CRYBG3: variants seen among roughly 807,000 people sequenced by gnomAD.
CRYBG3 encodes crystallin beta-gamma domain containing 3.
In CRYBG3, 127 loss-of-function variants were observed where a neutral mutation model predicts 244.2. That is an observed-to-expected ratio of 0.52 (90% CI 0.45 to 0.60). The LOEUF is 0.60. Ranked by LOEUF, CRYBG3 falls within the 20% of genes least tolerant of loss-of-function variation. The pLI, the probability that CRYBG3 is intolerant of heterozygous loss-of-function variation, is 0.00. For missense variants in CRYBG3, 3,325 were observed against 3,442.5 expected (o/e 0.97, Z 0.85); for synonymous variants, 1,132 against 1,195.8 (o/e 0.95, Z 1.10).
chr3:97,933,358 C>G (rs1183169902), intron 17 of CRYBG3: 1 of 369,486 alleles, frequency 2.7e-6, no homozygotes, highest in Admixed American at 3.9e-5. Context: ...CTGTTGCCAG[C>G]TAAAAGCATT....
Position 97,875,565 on chromosome 3 carries a change from G to A in CRYBG3, c.4371G>A (p.Glu1457=). Residue 1457 remains glutamate, a synonymous_variant, in exon 4 of 22, where the codon GAG becomes GAA. Coordinates refer to ENST00000389622, the MANE Select transcript of CRYBG3 (RefSeq NM_153605.4). ...ACTGTAATGAGACAATGGAAATAGAGAATGTGGATAATAACAAAACTGAGA... is the reference window on the plus strand; with the variant it reads ...ACTGTAATGAGACAATGGAAATAGAAAATGTGGATAATAACAAAACTGAGA... ...SEDCNETMEI[E]NVDNNKTETE... is the part of the protein sequence containing the mutation. 1 of 1,241,536 alleles carries A rather than the reference G, an allele frequency of 8.1e-7. No individual in the cohort carries two copies. Among genetic ancestry groups the A allele is most frequent in the Non-Finnish European group, 1.0e-6 (1 of 994,428 alleles). 76.9% of individuals were successfully genotyped at this position (1,241,536 alleles called of 1,614,324 possible).
chr3:97,892,745 C>T (rs1476177101), intron 10 of CRYBG3, 115 bp from the exon 11 acceptor site: 11 of 549,582 alleles, frequency 2.0e-5, no homozygotes, highest in South Asian at 3.8e-5. Flanking sequence ...TTGAAATCTC[C>T]TCATATTAAT....
chr3:97,893,272 A>G (rs1256181582), intron 11 of CRYBG3, among the ~76,000 whole-genome samples: 4 of 152,228 alleles, frequency 2.6e-5, no homozygotes, highest in Non-Finnish European at 5.9e-5. Flanking sequence ...AGATAAAATT[A>G]GGTTTTCACA....
At chr3:97,853,175 C>A (rs764976520) in intron 2 of CRYBG3, among the ~76,000 whole-genome samples, 1 of 151,200 alleles carries the variant, frequency 6.6e-6, no homozygotes, top group Non-Finnish European at 1.5e-5. Flanking sequence ...CACCCTCCCC[C>A]CAAAGTCCCC....
intron 17 of CRYBG3, among the ~76,000 whole-genome samples, chr3:97,930,761 A>C (rs1268500250): frequency 6.6e-6 from 1 of 152,098 alleles, no homozygotes; most frequent in Admixed American, 6.6e-5. Flanking sequence ...GTCCAGATAC[A>C]TAACATTTCT....
chr3:97,897,569 A>G (rs1201930752), intron 12 of CRYBG3, among the ~76,000 whole-genome samples: 1 of 152,132 alleles, frequency 6.6e-6, no homozygotes, highest in African/African-American at 2.4e-5. Flanking sequence ...TAATCTAGTA[A>G]TCTCATAGGG....
intron 17 of CRYBG3, 72 bp from the exon 18 acceptor site, chr3:97,933,622 C>T (rs1394445287): frequency 1.4e-6 from 2 of 1,458,600 alleles, no homozygotes; most frequent in Middle Eastern, 1.8e-4. Flanking sequence ...ATTCAGGGTA[C>T]CCTGTGTTCA....
At chr3:97,896,969 T>C (rs953748510) in intron 12 of CRYBG3, among the ~76,000 whole-genome samples, 6 of 151,774 alleles carry the variant, frequency 4.0e-5, no homozygotes, top group African/African-American at 1.5e-4. Context: ...CCATATTGAG[T>C]AGTTATTTTT....
Position 97,941,145 on chromosome 3 carries a change from T to G in CRYBG3, c.8506-3T>G, listed in dbSNP as rs773567093. On this transcript the variant is annotated splice_polypyrimidine_tract_variant and splice_region_variant and intron_variant, in intron 19 of 21. Coordinates refer to ENST00000389622, the MANE Select transcript of CRYBG3 (RefSeq NM_153605.4). ...TTCTAAATGGCTGTTTCTCCTGTCATAGCCTGCAGTGTACATCAGAATAAA... is the reference window on the plus strand; with the variant it reads ...TTCTAAATGGCTGTTTCTCCTGTCAGAGCCTGCAGTGTACATCAGAATAAA... 1 of 1,598,470 alleles carries G rather than the reference T, an allele frequency of 6.3e-7. No homozygotes were observed. Among genetic ancestry groups the G allele is most frequent in the Non-Finnish European group, 8.5e-7 (1 of 1,173,066 alleles).
intron 17 of CRYBG3, among the ~76,000 whole-genome samples, chr3:97,917,761 T>G (rs2039943653): frequency 6.6e-6 from 1 of 152,120 alleles, no homozygotes; most frequent in African/African-American, 2.4e-5. Flanking sequence ...GGAGGTTATT[T>G]GTTGAGCATA....
At chr3:97,903,350 A>G (rs530890853) in intron 15 of CRYBG3, among the ~76,000 whole-genome samples, 2 of 152,310 alleles carry the variant, frequency 1.3e-5, no homozygotes, top group South Asian at 4.1e-4. Flanking sequence ...TTTTTATAGG[A>G]GCCAAATCAC....
chr3:97,866,449 TG>T (rs2039233002), intron 3 of CRYBG3, among the ~76,000 whole-genome samples: 1 of 152,156 alleles, frequency 6.6e-6, no homozygotes, highest in Non-Finnish European at 1.5e-5. Context: ...GTGTGGTCCT[TG>T]GAGCAGCAGC....
In CRYBG3 at chr3:97,822,180, G is replaced by T; in HGVS notation, c.-27G>T. On this transcript the variant is annotated 5_prime_UTR_variant, in exon 1 of 22. Coordinates refer to ENST00000389622, the MANE Select transcript of CRYBG3 (RefSeq NM_153605.4). The stretch of plus-strand genomic sequence containing the variant: ...ACACCTAGGCCGTTCCCTTCAGACA[G>T]CCCCGGGCCAGCGGCCCCCTCGGGA... 6.7e-7 allele frequency: 1 copy of T among 1,500,918 alleles called. No individual in the cohort carries two copies. The highest frequency in any genetic ancestry group is 8.9e-7 in the Non-Finnish European group (1 of 1,129,938). The allele number at this position is 1,500,918 out of a possible 1,614,324, so 93.0% of individuals were successfully genotyped here.
Position 97,866,771 on chromosome 3 carries a change from T to G in CRYBG3, c.647+2124T>G, listed in dbSNP as rs2039237856. On this transcript the variant is annotated intron_variant, in intron 3 of 21. Transcript: ENST00000389622. ...AGGATACTTTTCCTCTTATTTATTG[T>G]TACTAAATAATAACTTGTTAGTAGA... Among the ~76,000 whole-genome samples, 3 of 152,326 alleles carry G rather than the reference T, an allele frequency of 2.0e-5. No individual in the cohort carries two copies. In the South Asian group the frequency reaches 6.2e-4, roughly 32 times the overall value.
At chr3:97,884,240 G>A (rs1379604551) in intron 7 of CRYBG3, among the ~76,000 whole-genome samples, 1 of 152,034 alleles carries the variant, frequency 6.6e-6, no homozygotes, top group East Asian at 1.9e-4. Flanking sequence ...TTGTACCCAG[G>A]GAAAATAATT....
chr3:97,884,534 A>G (rs997117571), intron 7 of CRYBG3, among the ~76,000 whole-genome samples: 1 of 152,120 alleles, frequency 6.6e-6, no homozygotes, highest in Non-Finnish European at 1.5e-5. Context: ...AAGTTTGCAA[A>G]TTTCACTAAT....
intron 14 of CRYBG3, among the ~76,000 whole-genome samples, 170 bp downstream of exon 14, chr3:97,899,433 T>C (rs181516977): frequency 2.0e-5 from 3 of 152,338 alleles, no homozygotes; most frequent in Non-Finnish European, 4.4e-5. Context: ...TAGTAGATAT[T>C]AACACATGAA....
intron 2 of CRYBG3, among the ~76,000 whole-genome samples, chr3:97,854,574 T>G (rs905255211): frequency 7.3e-5 from 11 of 151,046 alleles, no homozygotes; most frequent in African/African-American, 2.7e-4. Flanking sequence ...CCTCCTTTGT[T>G]AGGTATACTC....
Position 97,943,358 on chromosome 3 carries a change from G to A in CRYBG3, c.*44G>A, listed in dbSNP as rs1286094416. On this transcript the variant is annotated 3_prime_UTR_variant, in exon 22 of 22. Coordinates refer to ENST00000389622, the MANE Select transcript of CRYBG3 (RefSeq NM_153605.4). ...AAAGATCCCTAGAAAGAGCAAAGAA[G>A]GAAACACATCTGTCATTGTCTTGTG... is the stretch of plus-strand genomic sequence containing the variant. 3 of 1,094,076 alleles carry A rather than the reference G, an allele frequency of 2.7e-6. No individual in the cohort carries two copies. The highest frequency in any genetic ancestry group is 4.2e-6 in the Non-Finnish European group (3 of 716,532). The allele number at this position is 1,094,076 out of a possible 1,614,324, so 67.8% of individuals were successfully genotyped here. A position where few individuals can be genotyped will look rare whatever the true frequency, so the allele number is the denominator to read the frequency against.
Sources: allele counts gnomAD v4.1 joint callset (sites outside exome capture counted in the v4.1 genomes callset), GRCh38; gene constraint gnomAD v4.1.1; transcripts MANE v1.5; gene names NCBI Gene and HGNC (gene_info 2026-07-23, HGNC 2026-07-21).